The following CC2D2B variants were observed in gnomAD, a reference collection of about 807,000 sequenced individuals.
CC2D2B encodes coiled-coil and C2 domain containing 2B.
A neutral mutation model predicts 161.2 loss-of-function variants in CC2D2B; 128 were observed. The observed-to-expected ratio is 0.79, with a 90% CI of 0.69 to 0.92. CC2D2B has a LOEUF of 0.92. CC2D2B is among the 40% of genes least tolerant of loss of function. The probability of loss-of-function intolerance (pLI) is 0.00; values close to 1 mark genes in which losing one functional copy is unlikely to be tolerated. For missense variants in CC2D2B, 1,173 were observed against 1,375.1 expected, an observed-to-expected ratio of 0.85 and a Z score of 2.32; for synonymous variants, 391 against 449.8, an observed-to-expected ratio of 0.87 and a Z score of 1.65.
chr10:95,983,688 A>G lies in CC2D2B; in HGVS notation c.2165A>G (p.Glu722Gly). 8.1e-7 allele frequency: 1 copy of G among 1,231,410 alleles called. No homozygotes were observed. Among genetic ancestry groups the G allele is most frequent in the Non-Finnish European group, 1.0e-6 (1 of 987,380 alleles). 76.3% of individuals were successfully genotyped at this position (1,231,410 alleles called of 1,614,324 possible). Residue 722 changes from glutamate (E) to glycine (G), a missense_variant, in exon 19 of 35, where the codon GAG becomes GGG. Coordinates refer to ENST00000646931, the MANE Select transcript of CC2D2B (RefSeq NM_001349008.3). ...GATGAATTTAACTTCGTTTCTGAAG[A>G]GGAAATGGCAAAGAGTAAACGTTTC... ...LQDEFNFVSE[E>G]EMAKSKRFQL...
In CC2D2B at chr10:96,001,065, A is replaced by G. The variant is rs2078471745; in HGVS notation, c.2850-3087A>G. Among the ~76,000 whole-genome samples, 3 of 152,202 alleles carry G rather than the reference A, an allele frequency of 2.0e-5. 1 individual carries two copies. In the South Asian group the frequency reaches 6.2e-4, roughly 31 times the overall value. On this transcript the variant is annotated intron_variant, in intron 24 of 34. Transcript: ENST00000646931. ...ACACCTATGTTCCTGCTTGCTACCA[A>G]GAAGGAATAAAACAGATATAGACTA...
intron 28 of CC2D2B, among the ~76,000 whole-genome samples, chr10:96,012,933 C>T (rs1194925297): frequency 2.0e-5 from 3 of 152,150 alleles, no homozygotes; most frequent in South Asian, 2.1e-4. Context: ...ATTGCTACAC[C>T]GCTTTTCCAT....
intron 15 of CC2D2B, among the ~76,000 whole-genome samples, chr10:95,970,187 C>A (rs982111175): frequency 6.6e-6 from 1 of 152,026 alleles, no homozygotes; most frequent in East Asian, 1.9e-4. Context: ...ATGCCCACCA[C>A]CATGCCCCGC....
intron 10 of CC2D2B, among the ~76,000 whole-genome samples, chr10:95,953,812 T>C (rs1303315773): frequency 6.6e-6 from 1 of 152,228 alleles, no homozygotes; most frequent in African/African-American, 2.4e-5. Context: ...TGGTTAGCTC[T>C]ACTTATGGAA....
At chr10:95,989,679 G>C (rs1408973729) in intron 20 of CC2D2B, among the ~76,000 whole-genome samples, 1 of 152,168 alleles carries the variant, frequency 6.6e-6, no homozygotes, top group East Asian at 1.9e-4. Context: ...ATCTGAGTAT[G>C]CTTGAACTTC....
At chr10:95,977,654 T>G (rs964511328) in intron 17 of CC2D2B, among the ~76,000 whole-genome samples, 1 of 152,258 alleles carries the variant, frequency 6.6e-6, no homozygotes, top group Admixed American at 6.5e-5. Flanking sequence ...CTTTAGCCTT[T>G]CTAGATCTAA....
chr10:95,973,375 G>A (rs1362354088), intron 16 of CC2D2B, among the ~76,000 whole-genome samples: 3 of 152,242 alleles, frequency 2.0e-5, no homozygotes, highest in Admixed American at 2.0e-4. Context: ...CAGCTTGCTG[G>A]CCTCTTTTTC....
At chr10:95,998,019 G>T (rs534425205) in intron 24 of CC2D2B, among the ~76,000 whole-genome samples, 2 of 151,846 alleles carry the variant, frequency 1.3e-5, no homozygotes, top group African/African-American at 4.8e-5. Flanking sequence ...TCTCAATATG[G>T]TGGATCTAAA....
chr10:96,008,978 A>G (rs1439152501), intron 25 of CC2D2B, among the ~76,000 whole-genome samples: 1 of 152,098 alleles, frequency 6.6e-6, no homozygotes, highest in Admixed American at 6.6e-5. Flanking sequence ...CATGTTAGAT[A>G]TATATTACAT....
At chr10:95,911,111 T>C (rs1335051992) in intron 1 of CC2D2B, 190 bp from the exon 2 acceptor site, 2 of 174,748 alleles carry the variant, frequency 1.1e-5, no homozygotes, top group East Asian at 3.4e-4. Context: ...GCACATCTTA[T>C]TGCATTAACC....
At position 95,921,536 on chromosome 10, in the gene CC2D2B, T is replaced by C. The variant is rs142200818; in HGVS notation, c.37-480T>C. ...CTTCTTATGTGGATAGTTGTTCAATTTGTTGTTCCTGCAGTGCAGATGATT... is the reference window on the plus strand; with the variant it reads ...CTTCTTATGTGGATAGTTGTTCAATCTGTTGTTCCTGCAGTGCAGATGATT... On this transcript the variant is annotated intron_variant, in intron 2 of 34. Transcript: ENST00000646931. 551 of 152,332 alleles carry C rather than the reference T, an allele frequency of 3.6e-3. 1 individual carries two copies. Among genetic ancestry groups the C allele is most frequent in the Non-Finnish European group, 6.9e-3 (472 of 68,060 alleles). 9.4% of individuals were successfully genotyped at this position (152,332 alleles called of 1,614,324 possible). A position where few individuals can be genotyped will look rare whatever the true frequency, so the allele number is the denominator to read the frequency against.
At chr10:95,963,098 G>C (rs1386261948) in intron 12 of CC2D2B, among the ~76,000 whole-genome samples, 1 of 152,076 alleles carries the variant, frequency 6.6e-6, no homozygotes, top group Non-Finnish European at 1.5e-5. Context: ...GCTTCAATTT[G>C]TCTCTCCAGA....
At chr10:95,982,677 T>A (rs191843824) in intron 18 of CC2D2B, among the ~76,000 whole-genome samples, 30 of 152,342 alleles carry the variant, frequency 2.0e-4, no homozygotes. Flanking sequence ...TTCCTTGCTT[T>A]CCTGTTAACC....
At chr10:95,948,096 C>T (rs10736096) in intron 9 of CC2D2B, among the ~76,000 whole-genome samples, 1 of 151,906 alleles carries the variant, frequency 6.6e-6, no homozygotes, top group Non-Finnish European at 1.5e-5. Context: ...GCACACAATA[C>T]TGAGATAGAT....
chr10:95,934,304 A>G (rs1312427123), intron 6 of CC2D2B, among the ~76,000 whole-genome samples: 2 of 152,156 alleles, frequency 1.3e-5, no homozygotes, highest in Non-Finnish European at 2.9e-5. Flanking sequence ...AGTTGATCTT[A>G]GCTTGCGGGG....
intron 24 of CC2D2B, among the ~76,000 whole-genome samples, chr10:95,999,068 G>A (rs1405674935): frequency 2.6e-5 from 4 of 152,084 alleles, no homozygotes; most frequent in Non-Finnish European, 5.9e-5. Flanking sequence ...GCGACAGAAG[G>A]AGACTCCGTC....
intron 24 of CC2D2B, among the ~76,000 whole-genome samples, chr10:96,002,777 A>C (rs940388406): frequency 3.3e-5 from 5 of 152,172 alleles, no homozygotes; most frequent in African/African-American, 1.2e-4. Flanking sequence ...AAGTTAGAGA[A>C]GCTGTTGAAG....
At chr10:96,005,968 C>G (rs1171399189) in intron 25 of CC2D2B, among the ~76,000 whole-genome samples, 66 of 152,156 alleles carry the variant, frequency 4.3e-4, no homozygotes, top group Non-Finnish European at 1.2e-4. Context: ...TTGCTATTAT[C>G]TACTCTCATC....
intron 11 of CC2D2B, among the ~76,000 whole-genome samples, chr10:95,959,799 G>A (rs1470503993): frequency 1.3e-5 from 2 of 151,826 alleles, no homozygotes; most frequent in African/African-American, 2.4e-5. Context: ...TAATGTGTTT[G>A]CAAAGTTATG....
Sources: gnomAD v4.1 joint callset for allele counts (sites outside exome capture counted in the v4.1 genomes callset) on GRCh38, gnomAD v4.1.1 for gene constraint, MANE v1.5 for transcripts, NCBI Gene and HGNC (gene_info 2026-07-23, HGNC 2026-07-21) for gene names.